Variants in UGT1A7 observed in about 807,000 individuals in gnomAD.
UGT1A7 encodes UDP glucuronosyltransferase family 1 member A7, also known as UDP-glucuronosyltransferase 1A7.
A neutral mutation model predicts 45.6 loss-of-function variants in UGT1A7; 33 were observed. The ratio of observed to expected loss-of-function variants is 0.72; its 90% CI spans 0.55 to 0.97. The LOEUF (loss-of-function observed/expected upper bound fraction) is 0.97, where lower values mean the gene tolerates loss of function less well. UGT1A7 is among the 50% of genes least tolerant of loss of function. The pLI, the probability that UGT1A7 is intolerant of heterozygous loss-of-function variation, is 0.00. For missense variants in UGT1A7, 684 were observed against 666.2 expected, an observed-to-expected ratio of 1.03 and a Z score of -0.29; for synonymous variants, 274 against 250.6, an observed-to-expected ratio of 1.09 and a Z score of -0.88.
Position 233,768,283 on chromosome 2 carries a change from G to T in UGT1A7, c.1139G>T (p.Cys380Phe). 6.2e-7 allele frequency: 1 copy of T among 1,614,180 alleles called. No homozygotes were observed. The change falls in exon 4 of 5, where the codon TGC becomes TTC. Residue 380 changes from cysteine (C) to phenylalanine (F), a missense_variant. Transcript: ENST00000373426. ...TCCCATGGTGTTTATGAAAGCATAT[G>T]CAATGGCGTTCCCATGGTGATGATG... Reference protein sequence around the residue: ...AGSHGVYESICNGVPMVMMPL... With the variant: ...AGSHGVYESIFNGVPMVMMPL...
At chr2:233,742,815 T>C (rs1692108353) in intron 1 of UGT1A7, 1 of 153,808 alleles carries the variant, frequency 6.5e-6, no homozygotes. Flanking sequence ...ATTGATATTA[T>C]TTGTAGATTT....
intron 1 of UGT1A7, among the ~76,000 whole-genome samples, chr2:233,732,777 G>A: frequency 7.1e-6 from 1 of 141,314 alleles, no homozygotes; most frequent in Non-Finnish European, 1.5e-5. Flanking sequence ...TTTTTGCTTA[G>A]GATTGTCTTG....
chr2:233,741,629 C>T (rs1691726139), intron 1 of UGT1A7: 1 of 151,834 alleles, frequency 6.6e-6, no homozygotes, highest in Non-Finnish European at 1.5e-5. Context: ...CCCATGAGCC[C>T]CTGTGGGATG....
intron 1 of UGT1A7, among the ~76,000 whole-genome samples, chr2:233,696,185 A>G (rs1559348425): frequency 6.6e-6 from 1 of 152,248 alleles, no homozygotes; most frequent in Non-Finnish European, 1.5e-5. Flanking sequence ...TTGAAGAGCT[A>G]TCTGCACTCC....
At chr2:233,702,448 T>G (rs17863787) in intron 1 of UGT1A7, among the ~76,000 whole-genome samples, 44,666 of 152,028 alleles carry the variant, frequency 0.29, 6,753 homozygotes, top group South Asian at 0.36. Flanking sequence ...AGGATAACAT[T>G]TATTTCTTTT....
At position 233,763,858 on chromosome 2, in the gene UGT1A7, C is replaced by T. The variant is rs577598991; in HGVS notation, c.856-3176C>T. ...GGGTAAGATAGCAGTGGTTCACAGA[C>T]AATCGCAATGCTGGGTCTGAGAAAA... On this transcript the variant is annotated intron_variant, in intron 1 of 4. Transcript: ENST00000373426. 5.1e-4 allele frequency among the ~76,000 whole-genome samples: 77 copies of T among 152,246 alleles called. 2 individuals carry two copies. The South Asian group carries it at 0.016, about 31-fold the overall frequency.
Position 233,768,305 on chromosome 2 carries a change from G to A in UGT1A7, c.1161G>A (p.Met387Ile), listed in dbSNP as rs1559415443. The A allele has an allele frequency of 1.2e-6, 2 of 1,614,084 alleles. No homozygotes were observed. Among genetic ancestry groups the A allele is most frequent in the Admixed American group, 1.7e-5 (1 of 59,988 alleles). ...TATGCAATGGCGTTCCCATGGTGAT[G>A]ATGCCCTTGTTTGGTGATCAGATGG... is the stretch of plus-strand genomic sequence containing the variant. ...ESICNGVPMV[M>I]MPLFGDQMDN... The change falls in exon 4 of 5, where the codon ATG becomes ATA. Residue 387 changes from methionine to isoleucine, a missense_variant. By Grantham distance (10) the Met-to-Ile change is conservative. Transcript: ENST00000373426.
At chr2:233,683,608 C>T (rs188333469) in intron 1 of UGT1A7, among the ~76,000 whole-genome samples, 49 of 152,078 alleles carry the variant, frequency 3.2e-4, no homozygotes, top group Admixed American at 1.0e-3. Flanking sequence ...ATTATTTATT[C>T]GGATTCTGTT....
chr2:233,755,491 T>C (rs112011393), intron 1 of UGT1A7: 20 of 202,890 alleles, frequency 9.9e-5, no homozygotes, highest in Non-Finnish European at 1.9e-4. Flanking sequence ...GGCCCTGTGA[T>C]GCTCCAAGAC....
At chr2:233,771,280 CCTTTT>C (rs1700275539) in intron 4 of UGT1A7, 2 of 152,190 alleles carry the variant, frequency 1.3e-5, no homozygotes, top group Non-Finnish European at 1.5e-5. Flanking sequence ...CTTTCTTCTC[CCTTTT>C]CTTTTCTACT....
At chr2:233,749,258 T>A (rs1694154027) in intron 1 of UGT1A7, among the ~76,000 whole-genome samples, 1 of 151,972 alleles carries the variant, frequency 6.6e-6, no homozygotes, top group African/African-American at 2.4e-5. Flanking sequence ...ATTTTTTTAT[T>A]GGTGATTTTC....
In UGT1A7 at chr2:233,725,175, T is replaced by TG. The variant is rs1374547834; in HGVS notation, c.856-41855dup. On this transcript the variant is annotated intron_variant, in intron 1 of 4. Transcript: ENST00000373426. ...TCGGCTCTGCATGAGAGGGAGACCG[T>TG]GGGGAGAGGCAGAGGCAGAGGCAGA... Among the ~76,000 whole-genome samples the TG allele has an allele frequency of 1.3e-4, 11 of 81,994 alleles. 2 individuals are homozygous for TG. In the East Asian group the frequency reaches 2.4e-3, roughly 18 times the overall value. 53.8% of individuals were successfully genotyped at this position (81,994 alleles called of 152,430 possible). A position where few individuals can be genotyped will look rare whatever the true frequency, so the allele number is the denominator to read the frequency against.
At chr2:233,727,897 G>A (rs1306526178) in intron 1 of UGT1A7, among the ~76,000 whole-genome samples, 1 of 152,194 alleles carries the variant, frequency 6.6e-6, no homozygotes, top group Non-Finnish European at 1.5e-5. Flanking sequence ...GACACGGCCA[G>A]GCAAGAAGAC....
At chr2:233,754,914 A>G (rs755182850) in intron 1 of UGT1A7, 33 of 1,353,478 alleles carry the variant, frequency 2.4e-5, no homozygotes, top group Non-Finnish European at 3.2e-5. Flanking sequence ...AATATTCTCC[A>G]GCGGGTTTCC....
At chr2:233,763,992 G>T (rs1053097795) in intron 1 of UGT1A7, among the ~76,000 whole-genome samples, 85 of 152,324 alleles carry the variant, frequency 5.6e-4, no homozygotes, top group Non-Finnish European at 2.2e-4. Flanking sequence ...AATGCGTGAT[G>T]GTGAAGTCAC....
At chr2:233,690,421 T>C in intron 1 of UGT1A7, 1 of 1,236,806 alleles carries the variant, frequency 8.1e-7, no homozygotes, top group Non-Finnish European at 1.1e-6. Flanking sequence ...ATTACCTTCA[T>C]GCACATCTTT....
intron 1 of UGT1A7, among the ~76,000 whole-genome samples, chr2:233,712,558 G>C (rs1453709402): frequency 6.6e-6 from 1 of 152,210 alleles, no homozygotes; most frequent in Admixed American, 6.5e-5. Flanking sequence ...AGTATTAAGA[G>C]TTAGCAAATA....
At chr2:233,760,785 G>A in intron 1 of UGT1A7, 1 of 1,613,686 alleles carries the variant, frequency 6.2e-7, no homozygotes. Context: ...ACCTGTCTCT[G>A]CCCACTGTAT....
chr2:233,760,243 T>TAC (rs1697369137), intron 1 of UGT1A7: 1 of 1,608,014 alleles, frequency 6.2e-7, no homozygotes, highest in African/African-American at 1.3e-5. Flanking sequence ...CATATATATA[T>TAC]ATATAAGTAG....
Sources: gnomAD v4.1 joint callset for allele counts (sites outside exome capture counted in the v4.1 genomes callset) on GRCh38, gnomAD v4.1.1 for gene constraint, MANE v1.5 for transcripts, NCBI Gene and HGNC (gene_info 2026-07-23, HGNC 2026-07-21) for gene names.